RASGRF1: variants seen among roughly 807,000 people sequenced by gnomAD.
The protein encoded by RASGRF1 is ras-specific guanine nucleotide-releasing factor 1.
A neutral mutation model predicts 138.7 loss-of-function variants in RASGRF1; 40 were observed. The observed-to-expected ratio is 0.29, with a 90% CI of 0.22 to 0.38. The LOEUF is 0.38. Among genes scored for constraint, RASGRF1 ranks in the 10% least tolerant of loss-of-function variants. The pLI is 1.00. For synonymous variants in RASGRF1, 614 were observed against 663.2 expected (o/e 0.93, Z 1.14); for missense variants, 1,108 against 1,650.4 (o/e 0.67, Z 5.69).
At chr15:78,970,782 C>CT (rs1160169388) in intron 26 of RASGRF1, among the ~76,000 whole-genome samples, 5 of 146,972 alleles carry the variant, frequency 3.4e-5, no homozygotes, top group Middle Eastern at 3.4e-3. Context: ...GCCAACCATT[C>CT]TTTTTTATTA....
intron 11 of RASGRF1, 104 bp from the exon 12 acceptor site, chr15:79,018,010 TTGG>T: frequency 4.3e-6 from 6 of 1,406,538 alleles, no homozygotes; most frequent in Non-Finnish European, 5.8e-6. Context: ...AGGCTCTGCG[TTGG>T]TAAGGCACCA....
chr15:79,069,854 T>C lies in RASGRF1; in HGVS notation c.277-5328A>G, dbSNP rs2141075208. On this transcript the variant is annotated intron_variant, in intron 1 of 26. Coordinates refer to ENST00000558480, the MANE Select transcript of RASGRF1 (RefSeq NM_001145648.3). ...AAATTTTAAACATTCACAGACATTA[T>C]AATTATTTTACAGTAAAAACCCATA... is the stretch of plus-strand genomic sequence containing the variant. Among the ~76,000 whole-genome samples, 2 of 152,308 alleles carry C rather than the reference T, an allele frequency of 1.3e-5. 1 individual carries two copies. Among genetic ancestry groups the C allele is most frequent in the Middle Eastern group, 6.8e-3 (2 of 294 alleles).
At position 78,998,837 on chromosome 15, in the gene RASGRF1, C is replaced by T. The variant is rs767809047; in HGVS notation, c.2747-12G>A. ...GTCTGGGGGAAACCCTGGCAGCATGCGTGGCAGAGGGGAGAGAGGACAGGT... is the reference window on the plus strand; with the variant it reads ...GTCTGGGGGAAACCCTGGCAGCATGTGTGGCAGAGGGGAGAGAGGACAGGT... On this transcript the variant is annotated splice_polypyrimidine_tract_variant and intron_variant, in intron 17 of 26. Transcript: ENST00000558480. 2.5e-6 allele frequency: 4 copies of T among 1,597,856 alleles called. No homozygotes were observed. Among genetic ancestry groups the T allele is most frequent in the African/African-American group, 1.3e-5 (1 of 74,498 alleles).
chr15:79,065,170 G>A (rs572144206), intron 1 of RASGRF1, among the ~76,000 whole-genome samples: 1 of 152,326 alleles, frequency 6.6e-6, no homozygotes, highest in Non-Finnish European at 1.5e-5. Flanking sequence ...AGTAAGCACT[G>A]TAATTGCTGT....
intron 3 of RASGRF1, 99 bp downstream of exon 3, chr15:79,058,235 T>G: frequency 6.6e-7 from 1 of 1,505,492 alleles, no homozygotes; most frequent in Non-Finnish European, 8.9e-7. Context: ...ATCTGGGAGC[T>G]GCTTTCCCTG....
chr15:78,995,804 G>A lies in RASGRF1; in HGVS notation c.2967-4C>T. On this transcript the variant is annotated splice_polypyrimidine_tract_variant and splice_region_variant and intron_variant, in intron 19 of 26. Transcript: ENST00000558480. ...TGGGTCCTCCTGGGTCAGAGTCCTAGGCAGGAGCGAGAAGGCACGGTGAGC... is the reference window on the plus strand; with the variant it reads ...TGGGTCCTCCTGGGTCAGAGTCCTAAGCAGGAGCGAGAAGGCACGGTGAGC... 6.2e-7 allele frequency: 1 copy of A among 1,614,152 alleles called. No homozygotes were observed.
intron 1 of RASGRF1, among the ~76,000 whole-genome samples, chr15:79,071,610 T>G (rs552311306): frequency 6.6e-6 from 1 of 152,072 alleles, no homozygotes; most frequent in South Asian, 2.1e-4. Context: ...CCTCAAGTGA[T>G]CCATCCTCCT....
At chr15:79,034,429 G>A (rs539860910) in intron 6 of RASGRF1, among the ~76,000 whole-genome samples, 2 of 152,328 alleles carry the variant, frequency 1.3e-5, no homozygotes, top group Admixed American at 1.3e-4. Context: ...CTTTTCACAT[G>A]TTTGGATTCT....
Position 79,027,332 on chromosome 15 carries a change from G to C in RASGRF1, c.1381+409C>G, listed in dbSNP as rs2057073951. Among the ~76,000 whole-genome samples the C allele has an allele frequency of 6.6e-6, 1 of 152,102 alleles. No homozygotes were observed. Among genetic ancestry groups the C allele is most frequent in the Non-Finnish European group, 1.5e-5 (1 of 68,026 alleles). On this transcript the variant is annotated intron_variant, in intron 9 of 26. Coordinates refer to ENST00000558480, the MANE Select transcript of RASGRF1 (RefSeq NM_001145648.3). This position sits in a 1 kb window ranked among gnomAD's most constrained non-coding sequence, Gnocchi z 4.8. The stretch of plus-strand genomic sequence containing the variant: ...GCAGAGGATGATGAGGAAAGGACAG[G>C]GGAATGGACCCAACACTGACCTCCT...
intron 2 of RASGRF1, among the ~76,000 whole-genome samples, chr15:79,064,193 G>C (rs62011245): frequency 0.091 from 13,788 of 152,236 alleles, 767 homozygotes; most frequent in Non-Finnish European, 0.12. Flanking sequence ...TAGTGTGGGA[G>C]CAGGGTAGGA....
intron 13 of RASGRF1, among the ~76,000 whole-genome samples, chr15:79,013,738 G>T (rs551226444): frequency 2.6e-5 from 4 of 152,158 alleles, no homozygotes; most frequent in Non-Finnish European, 5.9e-5. Context: ...TGGTGAGGGG[G>T]TTAGGCGTGC....
rs8024044 is a variant in RASGRF1 at position 78,988,617 on chromosome 15, G to A, written c.3216+1572C>T. On this transcript the variant is annotated intron_variant, in intron 22 of 26. Coordinates refer to ENST00000558480, the MANE Select transcript of RASGRF1 (RefSeq NM_001145648.3). ...AGGATATGGTGTGCTGGCGGCTGGG[G>A]TTGGTAGGATGTGGCCCTGGCCAAG... Among the ~76,000 whole-genome samples, 390 of 152,340 alleles carry A rather than the reference G, an allele frequency of 2.6e-3. 3 individuals carry two copies. Among genetic ancestry groups the A allele is most frequent in the African/African-American group, 9.1e-3 (380 of 41,574 alleles).
intron 4 of RASGRF1, 40 bp downstream of exon 4, chr15:79,049,456 G>C (rs2057399672): frequency 1.3e-6 from 2 of 1,588,368 alleles, no homozygotes; most frequent in Admixed American, 1.7e-5. Flanking sequence ...TCTCTAAAGA[G>C]AGAGCTCCAA....
In RASGRF1 at chr15:78,969,392, T is replaced by C. The variant is rs184052966; in HGVS notation, c.3681+2474A>G. 7.0e-4 allele frequency among the ~76,000 whole-genome samples: 106 copies of C among 152,292 alleles called. 1 individual carries two copies. The highest frequency in any genetic ancestry group is 2.5e-3 in the African/African-American group (104 of 41,562). ...CCTTTATTTCTGTTTTGTCCAACAT[T>C]GAAAATCCTAGGTCATGCCTGTAAT... On this transcript the variant is annotated intron_variant, in intron 26 of 26. Transcript: ENST00000558480.
chr15:78,994,927 T>TA (rs1311337262), intron 20 of RASGRF1, among the ~76,000 whole-genome samples: 1 of 120,094 alleles, frequency 8.3e-6, no homozygotes, highest in Non-Finnish European at 1.7e-5. Context: ...TTCCAGCACC[T>TA]TTTTTTTTTT....
At chr15:79,031,151 G>A (rs2057130411) in intron 8 of RASGRF1, among the ~76,000 whole-genome samples, 1 of 152,132 alleles carries the variant, frequency 6.6e-6, no homozygotes, top group Admixed American at 6.5e-5. Flanking sequence ...AGTGCCCAGG[G>A]CCCTCCCTCG....
Position 78,968,272 on chromosome 15 carries a change from G to GTGTGTGTGTGTGTGTGTA in RASGRF1, c.3681+3593_3681+3594insTACACACACACACACACA, listed in dbSNP as rs2055684033. Among the ~76,000 whole-genome samples, 6 of 151,682 alleles carry GTGTGTGTGTGTGTGTGTA rather than the reference G, an allele frequency of 4.0e-5. No individual in the cohort carries two copies. In the South Asian group the frequency reaches 6.2e-4, roughly 16 times the overall value. ...CTGATGTGTGTGTGTGTGTGTGTGT[G>GTGTGTGTGTGTGTGTGTA]TGTGTGTTTTATTTTTAGACACAAA... On this transcript the variant is annotated intron_variant, in intron 26 of 26. Transcript: ENST00000558480.
At chr15:79,035,566 C>T (rs541937616) in intron 5 of RASGRF1, among the ~76,000 whole-genome samples, 8 of 152,304 alleles carry the variant, frequency 5.3e-5, no homozygotes, top group Admixed American at 1.3e-4. Context: ...CTGCTGGGCC[C>T]CACACCCCCT....
chr15:78,978,942 C>A, intron 24 of RASGRF1: 1 of 1,283,138 alleles, frequency 7.8e-7, no homozygotes, highest in Non-Finnish European at 1.0e-6. Context: ...GCCCACAGGC[C>A]ACCTGAAAGA....
Sources: allele counts gnomAD v4.1 joint callset (sites outside exome capture counted in the v4.1 genomes callset), GRCh38; gene constraint gnomAD v4.1.1; non-coding constraint Gnocchi (gnomAD v3.1); transcripts MANE v1.5; gene names NCBI Gene and HGNC (gene_info 2026-07-23, HGNC 2026-07-21).